The following CTNNA3 variants were observed in gnomAD, a reference collection of about 807,000 sequenced individuals.
The protein encoded by CTNNA3 is catenin alpha 3.
A neutral mutation model predicts 95.7 loss-of-function variants in CTNNA3; 76 were observed. The observed-to-expected ratio is 0.79, with a 90% CI of 0.66 to 0.96. CTNNA3 has a LOEUF of 0.96. Ranked by LOEUF, CTNNA3 falls within the 40% of genes least tolerant of loss-of-function variation. CTNNA3 has a pLI of 0.00. For synonymous variants in CTNNA3, 431 were observed against 374.4 expected, an observed-to-expected ratio of 1.15 and a Z score of -1.74; for missense variants, 1,191 against 1,089.8, an observed-to-expected ratio of 1.09 and a Z score of -1.31.
intron 5 of CTNNA3, among the ~76,000 whole-genome samples, chr10:67,477,466 G>A (rs1848061381): frequency 6.6e-6 from 1 of 151,960 alleles, no homozygotes; most frequent in Non-Finnish European, 1.5e-5. Flanking sequence ...ATACCCAGCT[G>A]CACTGACCAT....
At chr10:67,218,946 C>CA (rs1864517999) in intron 6 of CTNNA3, among the ~76,000 whole-genome samples, 1 of 152,126 alleles carries the variant, frequency 6.6e-6, no homozygotes, top group African/African-American at 2.4e-5. Context: ...GAGTAAAAGC[C>CA]AAAGTCCTTA....
intron 7 of CTNNA3, among the ~76,000 whole-genome samples, chr10:67,131,864 C>T (rs1040041072): frequency 6.6e-6 from 1 of 152,010 alleles, no homozygotes; most frequent in African/African-American, 2.4e-5. Flanking sequence ...AAGCCTAGAT[C>T]ACAGTGGGCC....
intron 7 of CTNNA3, among the ~76,000 whole-genome samples, chr10:66,843,714 CT>C (rs1843149804): frequency 6.6e-6 from 1 of 152,182 alleles, no homozygotes; most frequent in Non-Finnish European, 1.5e-5. Flanking sequence ...AAATTACTTA[CT>C]AACAGAGAAG....
At chr10:67,103,206 T>G (rs1177584129) in intron 7 of CTNNA3, among the ~76,000 whole-genome samples, 1 of 151,882 alleles carries the variant, frequency 6.6e-6, no homozygotes, top group African/African-American at 2.4e-5. Flanking sequence ...TTGCTTTCTA[T>G]TCTAAAGTAA....
In CTNNA3 at chr10:65,916,417, G is replaced by C. The variant is rs571590617; in HGVS notation, c.*3913C>G. On this transcript the variant is annotated 3_prime_UTR_variant, in exon 18 of 18. Coordinates refer to ENST00000433211, the MANE Select transcript of CTNNA3 (RefSeq NM_013266.4). ...ACTACTTACAATGAAAGTGAAAGAGGCTGTTTATTCTGCAATGAGTTCACA... is the reference window on the plus strand; with the variant it reads ...ACTACTTACAATGAAAGTGAAAGAGCCTGTTTATTCTGCAATGAGTTCACA... The C allele has an allele frequency of 6.6e-6, 1 of 152,180 alleles. No homozygotes were observed. Among genetic ancestry groups the C allele is most frequent in the South Asian group, 2.1e-4 (1 of 4,818 alleles). 9.4% of individuals were successfully genotyped at this position (152,180 alleles called of 1,614,324 possible). A position where few individuals can be genotyped will look rare whatever the true frequency, so the allele number is the denominator to read the frequency against.
chr10:66,308,111 A>C (rs1176491647), intron 12 of CTNNA3, among the ~76,000 whole-genome samples: 1 of 152,172 alleles, frequency 6.6e-6, no homozygotes, highest in African/African-American at 2.4e-5. Flanking sequence ...TGCTTTAAAC[A>C]TTTTGCTATA....
chr10:67,701,454 G>T (rs1438477077), intron 1 of CTNNA3, among the ~76,000 whole-genome samples: 1 of 152,214 alleles, frequency 6.6e-6, no homozygotes, highest in Non-Finnish European at 1.5e-5. Context: ...AGCCAGAAGA[G>T]AGTGGAGGCC....
At chr10:65,998,697 C>A (rs1320698040) in intron 15 of CTNNA3, among the ~76,000 whole-genome samples, 2 of 152,110 alleles carry the variant, frequency 1.3e-5, no homozygotes, top group East Asian at 3.9e-4. Context: ...GGAGTGAAAA[C>A]AATCTTGGTG....
chr10:67,439,340 A>C (rs1488902197), intron 5 of CTNNA3, among the ~76,000 whole-genome samples: 1 of 152,174 alleles, frequency 6.6e-6, no homozygotes, highest in African/African-American at 2.4e-5. Context: ...TCTGCCAATC[A>C]GCATCAGGAA....
At chr10:65,995,470 G>T (rs1031835676) in intron 15 of CTNNA3, among the ~76,000 whole-genome samples, 13 of 152,142 alleles carry the variant, frequency 8.5e-5, no homozygotes, top group Non-Finnish European at 1.9e-4. Context: ...GGCTGTTAGT[G>T]CAGGCTGTGG....
chr10:67,306,749 TC>T (rs1247250407), intron 5 of CTNNA3, among the ~76,000 whole-genome samples: 1 of 152,114 alleles, frequency 6.6e-6, no homozygotes, highest in Non-Finnish European at 1.5e-5. Flanking sequence ...TAGCTTTGGC[TC>T]TGAGCCTCTC....
intron 7 of CTNNA3, among the ~76,000 whole-genome samples, chr10:67,009,828 G>A (rs1852215159): frequency 6.6e-6 from 1 of 152,106 alleles, no homozygotes; most frequent in Non-Finnish European, 1.5e-5. Context: ...TGGAGTGAGT[G>A]GCTAAAAACA....
chr10:66,057,917 G>T (rs2080118240), intron 15 of CTNNA3, among the ~76,000 whole-genome samples: 1 of 152,070 alleles, frequency 6.6e-6, no homozygotes, highest in Admixed American at 6.6e-5. Flanking sequence ...ACACATATGA[G>T]AAAGAGAATT....
intron 17 of CTNNA3, among the ~76,000 whole-genome samples, chr10:65,959,867 C>T (rs1035368977): frequency 2.0e-5 from 3 of 152,176 alleles, no homozygotes; most frequent in Admixed American, 1.3e-4. Context: ...AAACTGGCTT[C>T]ATTTCCATGT....
chr10:67,240,578 A>G (rs1015302437), intron 5 of CTNNA3, among the ~76,000 whole-genome samples: 1 of 152,164 alleles, frequency 6.6e-6, no homozygotes, highest in Non-Finnish European at 1.5e-5. Context: ...CTTATTTCCC[A>G]TTTGTCATTT....
rs187703401 is a variant in CTNNA3, at chr10:67,185,498, A to T, written c.844-4978T>A. On this transcript the variant is annotated intron_variant, in intron 6 of 17. Transcript: ENST00000433211. ...GTCTTACATGGGCAAAAAAATTTTT[A>T]AAAACATGAAAGGAAATTAACTTTA... is the stretch of plus-strand genomic sequence containing the variant. 5.8e-3 allele frequency among the ~76,000 whole-genome samples: 879 copies of T among 152,194 alleles called. 7 individuals are homozygous for T. The highest frequency in any genetic ancestry group is 0.02 in the African/African-American group (837 of 41,530).
intron 2 of CTNNA3, among the ~76,000 whole-genome samples, chr10:67,615,167 C>G (rs1313678840): frequency 1.3e-5 from 2 of 152,094 alleles, no homozygotes; most frequent in Non-Finnish European, 2.9e-5. Flanking sequence ...TAACCATAAC[C>G]TTTTTAAAAA....
chr10:66,959,671 C>A (rs1393482428), intron 7 of CTNNA3, among the ~76,000 whole-genome samples: 2 of 152,176 alleles, frequency 1.3e-5, no homozygotes, highest in Admixed American at 1.3e-4. Context: ...CCATTCTACT[C>A]TCAGTGCAAC....
chr10:67,594,832 C>T (rs777871358), intron 3 of CTNNA3, among the ~76,000 whole-genome samples: 1 of 152,040 alleles, frequency 6.6e-6, no homozygotes, highest in Non-Finnish European at 1.5e-5. Context: ...ACCCATCACT[C>T]GAGCAGTATA....
Sources: allele counts gnomAD v4.1 joint callset (sites outside exome capture counted in the v4.1 genomes callset), GRCh38; gene constraint gnomAD v4.1.1; transcripts MANE v1.5; gene names NCBI Gene and HGNC (gene_info 2026-07-23, HGNC 2026-07-21).